The following ZDHHC3 variants were observed in gnomAD, a reference collection of about 807,000 sequenced individuals.
ZDHHC3 encodes the protein zDHHC palmitoyltransferase 3.
ZDHHC3 carries 9 observed loss-of-function variants against 30.6 expected under a neutral mutation model. That is an observed-to-expected ratio of 0.29 (90% confidence interval 0.18 to 0.51). The LOEUF (loss-of-function observed/expected upper bound fraction) is 0.51. ZDHHC3 is among the 20% of genes least tolerant of loss of function. The pLI is 0.97. For synonymous variants in ZDHHC3, 136 were observed against 140.2 expected (o/e 0.97, Z 0.21); for missense variants, 246 against 384.2 (o/e 0.64, Z 3.01).
chr3:44,921,180 C>T lies in ZDHHC3; in HGVS notation c.*5509G>A, dbSNP rs1437369148. On this transcript the variant is annotated 3_prime_UTR_variant, in exon 7 of 7. Transcript: ENST00000424952. ...TGACACATGAGCTGTGATCTGTGAACAAACTCACCAACACTCCAAAATGAA... is the reference window on the plus strand; with the variant it reads ...TGACACATGAGCTGTGATCTGTGAATAAACTCACCAACACTCCAAAATGAA... The T allele has an allele frequency of 2.0e-6, 2 of 985,208 alleles. No individual in the cohort carries two copies. The highest frequency in any genetic ancestry group is 3.5e-5 in the African/African-American group (2 of 57,200). 61.0% of individuals were successfully genotyped at this position (985,208 alleles called of 1,614,324 possible).
At position 44,959,352 on chromosome 3, in the gene ZDHHC3, A is replaced by AG; in HGVS notation, c.84dup (p.Tyr29LeufsTer13). The AG allele has an allele frequency of 6.2e-7, 1 of 1,613,992 alleles. No individual in the cohort carries two copies. The highest frequency in any genetic ancestry group is 8.5e-7 in the Non-Finnish European group (1 of 1,179,854). ...CACATGGTTCCCACAGGACCAGGGTAGGGGGGTGGGACACACTTCTCTGGC... is the reference window on the plus strand; with the variant it reads ...CACATGGTTCCCACAGGACCAGGGTAGGGGGGGTGGGACACACTTCTCTGGC... On this transcript the variant is annotated frameshift_variant, in exon 2 of 7. Transcript: ENST00000424952. LOFTEE classifies it high-confidence loss of function. This position sits in a 1 kb window ranked among gnomAD's most constrained non-coding sequence, Gnocchi z 4.3.
At chr3:44,939,661 T>G (rs572792639) in intron 3 of ZDHHC3, among the ~76,000 whole-genome samples, 1 of 152,324 alleles carries the variant, frequency 6.6e-6, no homozygotes, top group Admixed American at 6.5e-5. Context: ...TGGCTGGACA[T>G]CCTCTGAAAG....
At chr3:44,943,358 C>A (rs1050866360) in intron 3 of ZDHHC3, among the ~76,000 whole-genome samples, 9 of 152,246 alleles carry the variant, frequency 5.9e-5, no homozygotes, top group Admixed American at 5.2e-4. Context: ...GGAGGCCATC[C>A]CTGCAGCAAT....
In ZDHHC3 at chr3:44,923,138, C is replaced by T. The variant is rs1464001554; in HGVS notation, c.*3551G>A. The T allele has an allele frequency of 1.4e-5, 13 of 951,326 alleles. No individual in the cohort carries two copies. Among genetic ancestry groups the T allele is most frequent in the South Asian group, 9.8e-5 (2 of 20,468 alleles). 58.9% of individuals were successfully genotyped at this position (951,326 alleles called of 1,614,324 possible). ...TCGCCCAGGCTGGAGTGCAGTGGTG[C>T]GATCTTGGCTCACTGCAAGCTCCAC... is the stretch of plus-strand genomic sequence containing the variant. On this transcript the variant is annotated 3_prime_UTR_variant, in exon 7 of 7. Coordinates refer to ENST00000424952, the MANE Select transcript of ZDHHC3 (RefSeq NM_001135179.2).
chr3:44,939,826 G>A (rs1702286333), intron 3 of ZDHHC3, among the ~76,000 whole-genome samples: 1 of 152,252 alleles, frequency 6.6e-6, no homozygotes, highest in South Asian at 2.1e-4. Flanking sequence ...ACCGCAGGGA[G>A]AGTGAGTACA....
chr3:44,937,561 T>TTG (rs1553686289), intron 3 of ZDHHC3: 4 of 147,578 alleles, frequency 2.7e-5, no homozygotes, highest in Admixed American at 6.8e-5. Context: ...TTTTTTTTTT[T>TTG]TTTTTTTTTT....
intron 1 of ZDHHC3, among the ~76,000 whole-genome samples, chr3:44,967,413 G>T (rs1424735423): frequency 6.6e-6 from 1 of 152,196 alleles, no homozygotes; most frequent in Non-Finnish European, 1.5e-5. Context: ...ACCAGGTGTA[G>T]TGGTTCACAT....
intron 6 of ZDHHC3, 124 bp from the exon 7 acceptor site, chr3:44,926,971 C>A: frequency 1.6e-6 from 2 of 1,264,218 alleles, no homozygotes; most frequent in Non-Finnish European, 2.1e-6. Flanking sequence ...AAGCTATCTA[C>A]CTAATATATC....
rs1288076971 is a variant in ZDHHC3, at chr3:44,916,192, T to A, written c.*10497A>T. On this transcript the variant is annotated 3_prime_UTR_variant, in exon 7 of 7. Coordinates refer to ENST00000424952, the MANE Select transcript of ZDHHC3 (RefSeq NM_001135179.2). Reference sequence around the variant, plus strand: ...CCACCATCACCCCTCTCGTGGGTCATAGTTGGAGAGCTCTGGCAAGGGTTA... The same window carrying A: ...CCACCATCACCCCTCTCGTGGGTCAAAGTTGGAGAGCTCTGGCAAGGGTTA... 2 of 152,200 alleles carry A rather than the reference T, an allele frequency of 1.3e-5. No individual in the cohort carries two copies. The highest frequency in any genetic ancestry group is 2.9e-5 in the Non-Finnish European group (2 of 68,044). The allele number at this position is 152,200 out of a possible 1,614,324, so 9.4% of individuals were successfully genotyped here.
rs1704238963 is a variant in ZDHHC3 at position 44,959,205 on chromosome 3, T to C, written c.232A>G (p.Ile78Val). The C allele has an allele frequency of 1.2e-6, 2 of 1,614,258 alleles. No homozygotes were observed. The highest frequency in any genetic ancestry group is 1.7e-6 in the Non-Finnish European group (2 of 1,180,046). Reference sequence around the variant, plus strand: ...AGCAGGTTGAACACAATTCCGTTGATGATGCTATACACGTAGTCTCGAGAT... The same window carrying C: ...AGCAGGTTGAACACAATTCCGTTGACGATGCTATACACGTAGTCTCGAGAT... ...IPSRDYVYSIINGIVFNLLAF... is the reference protein window; with the variant it reads ...IPSRDYVYSIVNGIVFNLLAF... Residue 78 changes from isoleucine (I) to valine (V), a missense_variant, in exon 2 of 7, where the codon ATC (isoleucine) becomes GTC (valine). Coordinates refer to ENST00000424952, the MANE Select transcript of ZDHHC3 (RefSeq NM_001135179.2). The surrounding 1 kb of genome is among the most constrained non-coding windows in gnomAD (Gnocchi z 4.3).
chr3:44,947,136 A>AAAAAGGGAG (rs2125873541), intron 2 of ZDHHC3, among the ~76,000 whole-genome samples: 1 of 152,314 alleles, frequency 6.6e-6, no homozygotes, highest in Non-Finnish European at 1.5e-5. Context: ...AGAGGGTAAC[A>AAAAAGGGAG]AAAAGGGAGG....
Position 44,920,251 on chromosome 3 carries a change from C to T in ZDHHC3, c.*6438G>A, listed in dbSNP as rs1253117651. On this transcript the variant is annotated 3_prime_UTR_variant, in exon 7 of 7. Coordinates refer to ENST00000424952, the MANE Select transcript of ZDHHC3 (RefSeq NM_001135179.2). Reference sequence around the variant, plus strand: ...GCTTCCTGACTGGCCCCTCGCCAGGCCTCCCTTCTTGGCACAGAAGCAGTG... The same window carrying T: ...GCTTCCTGACTGGCCCCTCGCCAGGTCTCCCTTCTTGGCACAGAAGCAGTG... 1.1e-5 allele frequency: 14 copies of T among 1,289,812 alleles called. No individual in the cohort carries two copies. In the East Asian group the frequency reaches 6.7e-4, roughly 61 times the overall value. 79.9% of individuals were successfully genotyped at this position (1,289,812 alleles called of 1,614,324 possible). A position where few individuals can be genotyped will look rare whatever the true frequency, so the allele number is the denominator to read the frequency against.
chr3:44,921,384 TCTC>T lies in ZDHHC3; in HGVS notation c.*5302_*5304del. 1.0e-6 allele frequency: 1 copy of T among 985,368 alleles called. No individual in the cohort carries two copies. The highest frequency in any genetic ancestry group is 1.2e-6 in the Non-Finnish European group (1 of 829,920). 61.0% of individuals were successfully genotyped at this position (985,368 alleles called of 1,614,324 possible). A position where few individuals can be genotyped will look rare whatever the true frequency, so the allele number is the denominator to read the frequency against. ...TCATAGCGGGCCAGATAACACTGTCTCTCCTCATCAGAGATTTCATACCTCTAT... is the reference window on the plus strand; with the variant it reads ...TCATAGCGGGCCAGATAACACTGTCTCTCATCAGAGATTTCATACCTCTAT... On this transcript the variant is annotated 3_prime_UTR_variant, in exon 7 of 7. Transcript: ENST00000424952.
chr3:44,918,392 C>T lies in ZDHHC3; in HGVS notation c.*8297G>A, dbSNP rs1036465430. 1 of 985,228 alleles carries T rather than the reference C, an allele frequency of 1.0e-6. No individual in the cohort carries two copies. Among genetic ancestry groups the T allele is most frequent in the African/African-American group, 1.7e-5 (1 of 57,198 alleles). 61.0% of individuals were successfully genotyped at this position (985,228 alleles called of 1,614,324 possible). ...CAGCAAGCAGGGCCCGCCTGGTGGA[C>T]TGACGTGTTCTCCACCCACCACCCA... On this transcript the variant is annotated 3_prime_UTR_variant, in exon 7 of 7. Transcript: ENST00000424952.
Position 44,959,455 on chromosome 3 carries a change from T to C in ZDHHC3, c.-19A>G, listed in dbSNP as rs957469601. On this transcript the variant is annotated 5_prime_UTR_variant, in exon 2 of 7. Coordinates refer to ENST00000424952, the MANE Select transcript of ZDHHC3 (RefSeq NM_001135179.2). This position sits in a 1 kb window ranked among gnomAD's most constrained non-coding sequence, Gnocchi z 4.3. ...GCATCATAAGCTATTCTGTCCATAC[T>C]GGCATCTGAAAGAGAGAGGAAAGAA... The C allele has an allele frequency of 1.1e-4, 183 of 1,601,092 alleles. No individual in the cohort carries two copies. Among genetic ancestry groups the C allele is most frequent in the Non-Finnish European group, 1.5e-4 (177 of 1,170,584 alleles).
chr3:44,919,824 G>T lies in ZDHHC3; in HGVS notation c.*6865C>A, dbSNP rs991714687. ...TTTGTACTGTTTTTGTCACATTTTT[G>T]TAAGTCTGATTTCACAAAAAGTTTA... On this transcript the variant is annotated 3_prime_UTR_variant, in exon 7 of 7. Coordinates refer to ENST00000424952, the MANE Select transcript of ZDHHC3 (RefSeq NM_001135179.2). 2 of 955,412 alleles carry T rather than the reference G, an allele frequency of 2.1e-6. No individual in the cohort carries two copies. Among genetic ancestry groups the T allele is most frequent in the Non-Finnish European group, 2.5e-6 (2 of 802,752 alleles). 59.2% of individuals were successfully genotyped at this position (955,412 alleles called of 1,614,324 possible).
chr3:44,925,012 G>T lies in ZDHHC3; in HGVS notation c.*1677C>A. ...CCTGGTGGGGCAAGCTGGTTCAAGA[G>T]AGGGACCATAAATGCATTTTAAAAC... is the stretch of plus-strand genomic sequence containing the variant. On this transcript the variant is annotated 3_prime_UTR_variant, in exon 7 of 7. Transcript: ENST00000424952. 5 of 985,590 alleles carry T rather than the reference G, an allele frequency of 5.1e-6. No individual in the cohort carries two copies. Among genetic ancestry groups the T allele is most frequent in the Non-Finnish European group, 6.0e-6 (5 of 829,940 alleles). 61.1% of individuals were successfully genotyped at this position (985,590 alleles called of 1,614,324 possible).
At position 44,916,804 on chromosome 3, in the gene ZDHHC3, A is replaced by G. The variant is rs527884611; in HGVS notation, c.*9885T>C. ...ACCACAGGCTTCAAATGGGGTGAATAGAGGGCAGACTCATCCTGGTGGGGT... is the reference window on the plus strand; with the variant it reads ...ACCACAGGCTTCAAATGGGGTGAATGGAGGGCAGACTCATCCTGGTGGGGT... On this transcript the variant is annotated 3_prime_UTR_variant, in exon 7 of 7. Transcript: ENST00000424952. 2 of 152,242 alleles carry G rather than the reference A, an allele frequency of 1.3e-5. No individual in the cohort carries two copies. The highest frequency in any genetic ancestry group is 1.9e-4 in the East Asian group (1 of 5,188). The allele number at this position is 152,242 out of a possible 1,614,324, so 9.4% of individuals were successfully genotyped here. A position where few individuals can be genotyped will look rare whatever the true frequency, so the allele number is the denominator to read the frequency against.
Position 44,973,878 on chromosome 3 carries a change from C to T in ZDHHC3, c.-25+2055G>A, listed in dbSNP as rs553345894. ...CACAAACCTACAGAATAGTATGCCCCAATTCATTTATTCATTCAATAAATG... is the reference window on the plus strand; with the variant it reads ...CACAAACCTACAGAATAGTATGCCCTAATTCATTTATTCATTCAATAAATG... On this transcript the variant is annotated intron_variant, in intron 1 of 6. Transcript: ENST00000424952. Among the ~76,000 whole-genome samples the T allele has an allele frequency of 4.6e-5, 7 of 152,260 alleles. No homozygotes were observed. In the East Asian group the frequency reaches 1.3e-3, roughly 29 times the overall value.
Sources: gnomAD v4.1 joint callset for allele counts (sites outside exome capture counted in the v4.1 genomes callset) on GRCh38, gnomAD v4.1.1 for gene constraint, Gnocchi (gnomAD v3.1) non-coding constraint, MANE v1.5 for transcripts, NCBI Gene and HGNC (gene_info 2026-07-23, HGNC 2026-07-21) for gene names.